Variants in HOXB5 observed in about 807,000 individuals in gnomAD.
HOXB5 encodes the protein homeobox protein Hox-B5.
Under a neutral mutation model 19.6 loss-of-function variants are expected in HOXB5, and 10 were observed. That is an observed-to-expected ratio of 0.51 (90% CI 0.32 to 0.87). The LOEUF is 0.87. HOXB5 is among the 40% of genes least tolerant of loss of function. HOXB5 has a pLI of 0.04. For missense variants in HOXB5, 353 were observed against 369.6 expected (o/e 0.96, Z 0.37); for synonymous variants, 167 against 156.9 (o/e 1.06, Z -0.48).
At position 48,591,976 on chromosome 17, in the gene HOXB5, A is replaced by G. The variant is rs2070161873; in HGVS notation, c.*233T>C. 4 of 282,332 alleles carry G rather than the reference A, an allele frequency of 1.4e-5. No homozygotes were observed. The South Asian group carries it at 4.9e-4, about 35-fold the overall frequency. The allele number at this position is 282,332 out of a possible 1,614,324, so 17.5% of individuals were successfully genotyped here. A position where few individuals can be genotyped will look rare whatever the true frequency, so the allele number is the denominator to read the frequency against. The stretch of plus-strand genomic sequence containing the variant: ...TTGGGACAAGCAGAAGGGAGTTGGG[A>G]GCATGGAAGGAAAATAATAATAATA... On this transcript the variant is annotated 3_prime_UTR_variant, in exon 2 of 2. Coordinates refer to ENST00000239151, the MANE Select transcript of HOXB5 (RefSeq NM_002147.4).
Position 48,592,229 on chromosome 17 carries a change from C to T in HOXB5, c.790G>A (p.Gly264Ser). Residue 264 changes from glycine (G) to serine (S), a missense_variant, in exon 2 of 2, where the codon GGC becomes AGC. Coordinates refer to ENST00000239151, the MANE Select transcript of HOXB5 (RefSeq NM_002147.4). ...KLKSMSLATA[G>S]SAFQP ...CGGGCTCAGGGCTGGAAGGCGCTGC[C>T]AGCTGTAGCCAGGCTCATACTTTTC... 2 of 1,613,786 alleles carry T rather than the reference C, an allele frequency of 1.2e-6. No individual in the cohort carries two copies. The highest frequency in any genetic ancestry group is 1.7e-6 in the Non-Finnish European group (2 of 1,179,906).
rs1597866919 is a variant in HOXB5 at position 48,593,739 on chromosome 17, C to T, written c.-57G>A. 5.5e-6 allele frequency: 8 copies of T among 1,445,556 alleles called. No homozygotes were observed. The East Asian group carries it at 9.3e-5, about 17-fold the overall frequency. The allele number at this position is 1,445,556 out of a possible 1,614,324, so 89.5% of individuals were successfully genotyped here. A position where few individuals can be genotyped will look rare whatever the true frequency, so the allele number is the denominator to read the frequency against. On this transcript the variant is annotated 5_prime_UTR_variant, in exon 1 of 2. Transcript: ENST00000239151. ...TCGTGGTCGTTATAACCCTGTGCTTCACGATTTATGATGTATTAATGAATT... is the reference window on the plus strand; with the variant it reads ...TCGTGGTCGTTATAACCCTGTGCTTTACGATTTATGATGTATTAATGAATT...
In HOXB5 at chr17:48,593,358, C is replaced by T. The variant is rs938998280; in HGVS notation, c.325G>A (p.Gly109Ser). ...SLPCTNGDSH[G>S]AKPSASSPSD... ...GGGGACGAAGCAGAGGGCTTGGCGC[C>T]GTGGCTGTCGCCGTTGGTGCAGGGC... The change falls in exon 1 of 2, where the codon GGC becomes AGC. Residue 109 changes from glycine (G) to serine (S), a missense_variant. Gly to Ser is a moderately conservative substitution (Grantham distance 56). Coordinates refer to ENST00000239151, the MANE Select transcript of HOXB5 (RefSeq NM_002147.4). The T allele has an allele frequency of 1.9e-5, 31 of 1,600,618 alleles. No homozygotes were observed. Among genetic ancestry groups the T allele is most frequent in the Non-Finnish European group, 2.5e-5 (29 of 1,170,986 alleles).
chr17:48,593,058 CCG>C, intron 1 of HOXB5, 61 bp downstream of exon 1: 5 of 650,302 alleles, frequency 7.7e-6, no homozygotes, highest in Non-Finnish European at 1.1e-5. Context: ...CCTTGTCCCC[CCG>C]ATCCCACCCC....
chr17:48,593,065 C>CCCCCCCA, intron 1 of HOXB5, 56 bp downstream of exon 1: 1 of 761,330 alleles, frequency 1.3e-6, no homozygotes, highest in Non-Finnish European at 2.1e-6. Flanking sequence ...CCCCCGATCC[C>CCCCCCCA]ACCCCAAAAC....
Position 48,592,346 on chromosome 17 carries a change from T to A in HOXB5, c.673A>T (p.Ile225Phe). ...AGGCAGAGTGCGTGGGCGATCTCGA[T>A]GCGCCGTCGCCGGGTCAGGTAGCGG... ...FNRYLTRRRR[I>F]EIAHALCLSE... is the part of the protein sequence containing the mutation. The change falls in exon 2 of 2, where the codon ATC (isoleucine) becomes TTC (phenylalanine). Residue 225 changes from isoleucine (I) to phenylalanine (F), a missense_variant. Physicochemically the swap from Ile to Phe is conservative, Grantham distance 21. Transcript: ENST00000239151. The A allele has an allele frequency of 6.2e-7, 1 of 1,614,156 alleles. No individual in the cohort carries two copies. Among genetic ancestry groups the A allele is most frequent in the Non-Finnish European group, 8.5e-7 (1 of 1,180,026 alleles).
Position 48,592,438 on chromosome 17 carries a change from C to G in HOXB5, c.581G>C (p.Gly194Ala). Residue 194 changes from glycine (G) to alanine (A), a missense_variant, in exon 2 of 2, where the codon GGG becomes GCG. Transcript: ENST00000239151. The stretch of plus-strand genomic sequence containing the variant: ...GGTATACGCGGTCCGGGCCCTTTTC[C>G]CGTCCGGCCCGGTCATATCTGGAGC... The part of the protein sequence containing the change: ...HISHDMTGPD[G>A]KRARTAYTRY... The G allele has an allele frequency of 1.2e-6, 2 of 1,613,506 alleles. No individual in the cohort carries two copies. Among genetic ancestry groups the G allele is most frequent in the Non-Finnish European group, 1.7e-6 (2 of 1,179,760 alleles).
chr17:48,593,024 A>C, intron 1 of HOXB5, 97 bp downstream of exon 1: 6 of 910,780 alleles, frequency 6.6e-6, no homozygotes, highest in African/African-American at 1.6e-5. Flanking sequence ...AAATGAATCT[A>C]TATTTAGGGT....
At position 48,592,119 on chromosome 17, in the gene HOXB5, C is replaced by T; in HGVS notation, c.*90G>A. 6.8e-7 allele frequency: 1 copy of T among 1,473,226 alleles called. No homozygotes were observed. The highest frequency in any genetic ancestry group is 9.1e-7 in the Non-Finnish European group (1 of 1,095,502). The allele number at this position is 1,473,226 out of a possible 1,614,324, so 91.3% of individuals were successfully genotyped here. ...GAGGCAGGCTTGTGGGAACCGGTCC[C>T]CAGCGGGCGGCGGCAGAGCGGGGAG... On this transcript the variant is annotated 3_prime_UTR_variant, in exon 2 of 2. Coordinates refer to ENST00000239151, the MANE Select transcript of HOXB5 (RefSeq NM_002147.4).
chr17:48,593,632 C>G lies in HOXB5; in HGVS notation c.51G>C (p.Pro17=). ...NSFSGRYPNG[P]DYQLLNYGSG... ...TGCCATAATTTAGCAACTGATAGTC[C>G]GGGCCATTTGGATAACGCCCCGAGA... is the stretch of plus-strand genomic sequence containing the variant. The change falls in exon 1 of 2, where the codon CCG becomes CCC. Residue 17 remains proline (P), a synonymous_variant. Transcript: ENST00000239151. 7 of 1,612,896 alleles carry G rather than the reference C, an allele frequency of 4.3e-6. No individual in the cohort carries two copies. The highest frequency in any genetic ancestry group is 5.9e-6 in the Non-Finnish European group (7 of 1,179,898).
At chr17:48,592,488 C>T in intron 1 of HOXB5, 32 bp from the exon 2 acceptor site, 1 of 828,190 alleles carries the variant, frequency 1.2e-6, no homozygotes, top group Non-Finnish European at 1.8e-6. Context: ...CGCAAGGCAA[C>T]ATTATTCCGG....
intron 1 of HOXB5, 56 bp downstream of exon 1, chr17:48,593,065 C>CCCCCAAACCA: frequency 1.3e-6 from 1 of 761,330 alleles, no homozygotes. Context: ...CCCCCGATCC[C>CCCCCAAACCA]ACCCCAAAAC....
chr17:48,593,061 A>AACCCC, intron 1 of HOXB5, 60 bp downstream of exon 1: 1 of 331,726 alleles, frequency 3.0e-6, no homozygotes, highest in Non-Finnish European at 5.7e-6. Context: ...TGTCCCCCCG[A>AACCCC]TCCCACCCCA....
rs1315277375 is a variant in HOXB5, at chr17:48,593,749, GATGT to G, written c.-71_-68del. The G allele has an allele frequency of 3.1e-6, 4 of 1,305,928 alleles. No individual in the cohort carries two copies. The allele number at this position is 1,305,928 out of a possible 1,614,324, so 80.9% of individuals were successfully genotyped here. A position where few individuals can be genotyped will look rare whatever the true frequency, so the allele number is the denominator to read the frequency against. ...TATAACCCTGTGCTTCACGATTTAT[GATGT>G]ATTAATGAATTATAGCGATGCACTG... On this transcript the variant is annotated 5_prime_UTR_variant, in exon 1 of 2. Transcript: ENST00000239151.
rs763810095 is a variant in HOXB5, at chr17:48,592,370, G to A, written c.649C>T (p.Arg217Cys). ...ATGCGCCGTCGCCGGGTCAGGTAGC[G>A]GTTGAAGTGGAACTCCTTTTCCAGC... ...LELEKEFHFN[R>C]YLTRRRRIEI... The change falls in exon 2 of 2, where the codon CGC (arginine) becomes TGC (cysteine). Residue 217 changes from arginine (R) to cysteine (C), a missense_variant. Physicochemically the swap from Arg to Cys is radical, Grantham distance 180. Coordinates refer to ENST00000239151, the MANE Select transcript of HOXB5 (RefSeq NM_002147.4). The A allele has an allele frequency of 4.3e-6, 7 of 1,614,188 alleles. No homozygotes were observed. Among genetic ancestry groups the A allele is most frequent in the South Asian group, 2.2e-5 (2 of 91,084 alleles).
chr17:48,592,416 A>T lies in HOXB5; in HGVS notation c.603T>A (p.Tyr201Ter). The T allele has an allele frequency of 6.2e-7, 1 of 1,612,434 alleles. No individual in the cohort carries two copies. Among genetic ancestry groups the T allele is most frequent in the Non-Finnish European group, 8.5e-7 (1 of 1,179,390 alleles). The part of the protein sequence containing the change: ...GPDGKRARTA[Y>*]TRYQTLELEK... ...CCAGCTCCAGGGTCTGGTAGCGGGT[A>T]TACGCGGTCCGGGCCCTTTTCCCGT... is the stretch of plus-strand genomic sequence containing the variant. Residue 201 changes from tyrosine to a stop codon, truncating the protein, a stop_gained, in exon 2 of 2, where the codon TAT becomes TAA. Transcript: ENST00000239151. LOFTEE classifies it high-confidence loss of function.
chr17:48,592,449 G>T lies in HOXB5; in HGVS notation c.570C>A (p.Thr190=). 6.4e-7 allele frequency: 1 copy of T among 1,558,618 alleles called. No homozygotes were observed. The highest frequency in any genetic ancestry group is 8.7e-7 in the Non-Finnish European group (1 of 1,144,810). The change falls in exon 2 of 2, where the codon ACC becomes ACA. Residue 190 remains threonine, a synonymous_variant. Transcript: ENST00000239151. ...MRKLHISHDM[T]GPDGKRARTA... is the part of the protein sequence containing the mutation. Reference sequence around the variant, plus strand: ...TCCGGGCCCTTTTCCCGTCCGGCCCGGTCATATCTGGAGCAGATAGAGGAA... The same window carrying T: ...TCCGGGCCCTTTTCCCGTCCGGCCCTGTCATATCTGGAGCAGATAGAGGAA...
At position 48,591,733 on chromosome 17, in the gene HOXB5, C is replaced by G. The variant is rs2070155808; in HGVS notation, c.*476G>C. The G allele has an allele frequency of 6.5e-6, 1 of 152,982 alleles. No individual in the cohort carries two copies. Among genetic ancestry groups the G allele is most frequent in the African/African-American group, 2.4e-5 (1 of 41,366 alleles). The allele number at this position is 152,982 out of a possible 1,614,324, so 9.5% of individuals were successfully genotyped here. On this transcript the variant is annotated 3_prime_UTR_variant, in exon 2 of 2. Transcript: ENST00000239151. Reference sequence around the variant, plus strand: ...AAAGGGACTCCATCTCCGAAGCCAGCTCAGCTTGACCCCACTGCGGCACTA... The same window carrying G: ...AAAGGGACTCCATCTCCGAAGCCAGGTCAGCTTGACCCCACTGCGGCACTA...
Position 48,593,587 on chromosome 17 carries a change from G to C in HOXB5, c.96C>G (p.Gly32=). Reference sequence around the variant, plus strand: ...GCATGGCAGCGGGATCCCTGTAAGAGCCGCTCAGAGAGCTGCCACTGCCAT... The same window carrying C: ...GCATGGCAGCGGGATCCCTGTAAGACCCGCTCAGAGAGCTGCCACTGCCAT... The part of the protein sequence containing the change: ...LNYGSGSSLS[G]SYRDPAAMHT... Residue 32 remains glycine (G), a synonymous_variant, in exon 1 of 2, where the codon GGC becomes GGG. Transcript: ENST00000239151. 6.2e-7 allele frequency: 1 copy of C among 1,613,096 alleles called. No homozygotes were observed. Among genetic ancestry groups the C allele is most frequent in the Non-Finnish European group, 8.5e-7 (1 of 1,180,034 alleles).
Sources: gnomAD v4.1 joint callset for allele counts on GRCh38, gnomAD v4.1.1 for gene constraint, MANE v1.5 for transcripts, NCBI Gene and HGNC (gene_info 2026-07-23, HGNC 2026-07-21) for gene names.